Variants in CPSF4 observed in about 807,000 individuals in gnomAD.
CPSF4 encodes cleavage and polyadenylation specificity factor subunit 4.
CPSF4 carries 11 observed loss-of-function variants against 37.7 expected under a neutral mutation model. The ratio of observed to expected loss-of-function variants is 0.29; its 90% CI spans 0.18 to 0.48. The LOEUF (loss-of-function observed/expected upper bound fraction) is 0.48, where lower values mean the gene tolerates loss of function less well. Among genes scored for constraint, CPSF4 ranks in the 20% least tolerant of loss-of-function variants. The probability of loss-of-function intolerance (pLI) is 0.99; values close to 1 mark genes in which losing one functional copy is unlikely to be tolerated. For synonymous variants in CPSF4, 132 were observed against 135.9 expected (o/e 0.97, Z 0.20); for missense variants, 144 against 359.5 (o/e 0.40, Z 4.85).
At position 99,439,195 on chromosome 7, in the gene CPSF4, G is replaced by A. The variant is rs1796641573; in HGVS notation, c.103+10G>A. 6.3e-7 allele frequency: 1 copy of A among 1,587,702 alleles called. No individual in the cohort carries two copies. The highest frequency in any genetic ancestry group is 1.1e-5 in the South Asian group (1 of 88,722). ...TTCCCCGGCATGGACAGTGAGCGCG[G>A]GGCCCGGGCGGGAGGGCAAGAGCGA... On this transcript the variant is annotated intron_variant, in intron 1 of 7. Coordinates refer to ENST00000292476, the MANE Select transcript of CPSF4 (RefSeq NM_006693.4).
At chr7:99,455,431 T>C (rs1482674397) in intron 7 of CPSF4, among the ~76,000 whole-genome samples, 2 of 152,192 alleles carry the variant, frequency 1.3e-5, no homozygotes, top group East Asian at 1.9e-4. Flanking sequence ...CTGGGTGCGG[T>C]GGCTCACGCC....
At chr7:99,452,683 C>T (rs1457848110) in intron 6 of CPSF4, 17 of 497,798 alleles carry the variant, frequency 3.4e-5, no homozygotes, top group Middle Eastern at 5.4e-4. Context: ...GTCCAGGCGC[C>T]GTGCAACTGG....
chr7:99,442,668 A>AAAAAC (rs1554363486), intron 1 of CPSF4, among the ~76,000 whole-genome samples: 6 of 151,264 alleles, frequency 4.0e-5, no homozygotes, highest in Non-Finnish European at 8.8e-5. Flanking sequence ...AAAAAAAAAA[A>AAAAAC]AAAAAAACAA....
intron 4 of CPSF4, 81 bp downstream of exon 4, chr7:99,450,452 G>C: frequency 1.0e-6 from 1 of 991,014 alleles, no homozygotes; most frequent in East Asian, 2.5e-5. Flanking sequence ...CTGCCAGCTG[G>C]TCTACCTGTC....
chr7:99,439,541 A>G (rs1796691998), intron 1 of CPSF4: 1 of 213,154 alleles, frequency 4.7e-6, no homozygotes, highest in Non-Finnish European at 9.3e-6. Context: ...TTTTACCCTC[A>G]CTCGGACTCA....
At chr7:99,449,779 C>G (rs1401366921) in intron 3 of CPSF4, among the ~76,000 whole-genome samples, 1 of 152,178 alleles carries the variant, frequency 6.6e-6, no homozygotes, top group Non-Finnish European at 1.5e-5. Flanking sequence ...GAGGGGATTC[C>G]TGAGCTGGAA....
intron 6 of CPSF4, 105 bp downstream of exon 6, chr7:99,452,545 TGGGAGAGGAG>T: frequency 9.7e-7 from 1 of 1,026,060 alleles, no homozygotes; most frequent in Non-Finnish European, 1.5e-6. Context: ...CTGGACAACT[TGGGAGAGGAG>T]GGGAGTCTCC....
chr7:99,456,397 G>C, intron 7 of CPSF4, 35 bp from the exon 8 acceptor site: 1 of 1,602,634 alleles, frequency 6.2e-7, no homozygotes, highest in Non-Finnish European at 8.5e-7. Flanking sequence ...GTTGTTGTCT[G>C]TCTCTCCTCT....
intron 2 of CPSF4, among the ~76,000 whole-genome samples, chr7:99,445,066 TC>T (rs1797367955): frequency 6.6e-6 from 1 of 152,098 alleles, no homozygotes; most frequent in Admixed American, 6.5e-5. Context: ...CACTTCGCAT[TC>T]CCCGTGGCCA....
At chr7:99,456,383 CAGTGT>C (rs1432788720) in intron 7 of CPSF4, 44 bp from the exon 8 acceptor site, 8 of 1,555,066 alleles carry the variant, frequency 5.1e-6, no homozygotes, top group Non-Finnish European at 6.2e-6. Flanking sequence ...TGCATTTGAA[CAGTGT>C]TGTTGTCTGT....
chr7:99,450,398 G>C (rs114377274), intron 4 of CPSF4, 27 bp downstream of exon 4: 3 of 1,529,256 alleles, frequency 2.0e-6, no homozygotes, highest in African/African-American at 2.8e-5. Flanking sequence ...GCTGGGCCCC[G>C]GGCAAGAAGC....
In CPSF4 at chr7:99,450,806, A is replaced by C. The variant is rs763295609; in HGVS notation, c.497+11A>C. The C allele has an allele frequency of 3.8e-6, 6 of 1,599,224 alleles. No individual in the cohort carries two copies. The highest frequency in any genetic ancestry group is 5.1e-6 in the Non-Finnish European group (6 of 1,167,266). On this transcript the variant is annotated intron_variant, in intron 5 of 7. Transcript: ENST00000292476. ...GTGTAAATTCATGCAGTGAGTAGCC[A>C]GCTGCTCCGCCCTCTACCCCAGCTC... is the stretch of plus-strand genomic sequence containing the variant.
chr7:99,439,463 C>G, intron 1 of CPSF4: 1 of 349,920 alleles, frequency 2.9e-6, no homozygotes, highest in Non-Finnish European at 5.2e-6. Flanking sequence ...CTTCTGGATC[C>G]CGGGACGCTC....
chr7:99,444,370 T>C (rs2150987475), intron 1 of CPSF4, among the ~76,000 whole-genome samples: 1 of 152,220 alleles, frequency 6.6e-6, no homozygotes, highest in South Asian at 2.1e-4. Context: ...GGCAAGAGAA[T>C]TGCTTGAACC....
rs975948975 is a variant in CPSF4, at chr7:99,456,727, G to A, written c.*227G>A. On this transcript the variant is annotated 3_prime_UTR_variant, in exon 8 of 8. Transcript: ENST00000292476. ...GTCCCTGCAGTCGACATCATGTTTGGCTGGGCATCGATGCCTCCTTTCTGG... is the reference window on the plus strand; with the variant it reads ...GTCCCTGCAGTCGACATCATGTTTGACTGGGCATCGATGCCTCCTTTCTGG... 5.0e-6 allele frequency: 3 copies of A among 605,988 alleles called. No individual in the cohort carries two copies. The highest frequency in any genetic ancestry group is 1.8e-5 in the African/African-American group (1 of 54,904). 37.5% of individuals were successfully genotyped at this position (605,988 alleles called of 1,614,324 possible).
chr7:99,445,676 G>A (rs1458780053), intron 2 of CPSF4, among the ~76,000 whole-genome samples: 2 of 152,100 alleles, frequency 1.3e-5, no homozygotes, highest in East Asian at 3.9e-4. Context: ...CTGAGGTCAG[G>A]AGTTTGAGAC....
intron 2 of CPSF4, among the ~76,000 whole-genome samples, chr7:99,447,472 A>G (rs1797611432): frequency 6.6e-6 from 1 of 151,030 alleles, no homozygotes; most frequent in Non-Finnish European, 1.5e-5. Context: ...GGGTTTCACC[A>G]TGTCAGCCAG....
intron 2 of CPSF4, among the ~76,000 whole-genome samples, chr7:99,447,057 C>T (rs1797563996): frequency 6.6e-6 from 1 of 151,632 alleles, no homozygotes; most frequent in Non-Finnish European, 1.5e-5. Flanking sequence ...TCCCAAACTA[C>T]TGCGATTGCA....
Position 99,445,298 on chromosome 7 carries a change from G to A in CPSF4, c.154+459G>A, listed in dbSNP as rs45440297. ...TTCTCGATAACCAGCCCTCAACACA[G>A]ACTACACAAAACTACTGAGGTGCGA... On this transcript the variant is annotated intron_variant, in intron 2 of 7. Coordinates refer to ENST00000292476, the MANE Select transcript of CPSF4 (RefSeq NM_006693.4). Among the ~76,000 whole-genome samples, 423 of 151,914 alleles carry A rather than the reference G, an allele frequency of 2.8e-3. 1 individual carries two copies. The highest frequency in any genetic ancestry group is 9.9e-3 in the African/African-American group (411 of 41,402).
Sources: allele counts gnomAD v4.1 joint callset (sites outside exome capture counted in the v4.1 genomes callset), GRCh38; gene constraint gnomAD v4.1.1; transcripts MANE v1.5; gene names NCBI Gene and HGNC (gene_info 2026-07-23, HGNC 2026-07-21).